The following MYO1F variants were observed in gnomAD, a reference collection of about 807,000 sequenced individuals.
MYO1F encodes myosin IF.
A neutral mutation model predicts 146.6 loss-of-function variants in MYO1F; 60 were observed. The ratio of observed to expected loss-of-function variants is 0.41; its 90% CI spans 0.33 to 0.51. The LOEUF (loss-of-function observed/expected upper bound fraction) is 0.51. Among genes scored for constraint, MYO1F ranks in the 20% least tolerant of loss-of-function variants. The probability of loss-of-function intolerance (pLI) is 0.25; values close to 1 mark genes in which losing one functional copy is unlikely to be tolerated. For synonymous variants in MYO1F, 602 were observed against 602.1 expected, an observed-to-expected ratio of 1.00 and a Z score of 0.00; for missense variants, 1,274 against 1,534.3, an observed-to-expected ratio of 0.83 and a Z score of 2.83.
chr19:8,561,350 TTCCCTCCCTCCC>T (rs754525032), intron 1 of MYO1F, among the ~76,000 whole-genome samples: 14 of 118,996 alleles, frequency 1.2e-4, no homozygotes, highest in Admixed American at 3.5e-4. Context: ...TCAGCATGAA[TTCCCTCCCTCCC>T]TCCCTCCCTC....
chr19:8,524,582 CAAAAAAAAAA>C (rs35275313), intron 25 of MYO1F, among the ~76,000 whole-genome samples: 9 of 132,072 alleles, frequency 6.8e-5, no homozygotes, highest in Admixed American at 2.3e-4. Flanking sequence ...GAGACTGTCT[CAAAAAAAAAA>C]AAAAAAAGAA....
chr19:8,560,828 T>C (rs1974063495), intron 1 of MYO1F, among the ~76,000 whole-genome samples: 1 of 150,896 alleles, frequency 6.6e-6, no homozygotes, highest in African/African-American at 2.4e-5. Context: ...AAGCTCTGTC[T>C]CCTGTGTTCA....
rs1972704827 is a variant in MYO1F at position 8,536,235 on chromosome 19, C to T, written c.2043+17G>A. The stretch of plus-strand genomic sequence containing the variant: ...TCTTCCCCTCTCCTTCTCTGCCTGT[C>T]CCTCAAACACACTCACCGACTCTGG... On this transcript the variant is annotated intron_variant, in intron 19 of 27. Coordinates refer to ENST00000644032, the MANE Select transcript of MYO1F (RefSeq NM_012335.4). 1 of 1,602,426 alleles carries T rather than the reference C, an allele frequency of 6.2e-7. No homozygotes were observed. The highest frequency in any genetic ancestry group is 8.5e-7 in the Non-Finnish European group (1 of 1,179,936).
chr19:8,555,423 A>T, intron 2 of MYO1F: 4 of 425,698 alleles, frequency 9.4e-6, no homozygotes, highest in East Asian at 4.6e-5. Flanking sequence ...ACAGGGTTGG[A>T]TCCGGAATGG....
At chr19:8,575,136 G>C (rs1198885145) in intron 1 of MYO1F, among the ~76,000 whole-genome samples, 2 of 150,458 alleles carry the variant, frequency 1.3e-5, no homozygotes, top group Admixed American at 1.3e-4. Flanking sequence ...TAGTGCAATG[G>C]TGTGATCTTG....
intron 1 of MYO1F, among the ~76,000 whole-genome samples, chr19:8,560,686 T>C (rs954546234): frequency 1.3e-5 from 2 of 151,008 alleles, no homozygotes; most frequent in Non-Finnish European, 3.0e-5. Context: ...GTGATCCTCC[T>C]GGTCTCAGCC....
chr19:8,553,892 ACACTCTCTCTCTCTCT>A (rs1973724118), intron 4 of MYO1F, among the ~76,000 whole-genome samples: 1 of 105,162 alleles, frequency 9.5e-6, no homozygotes, highest in African/African-American at 3.5e-5. Context: ...ACACACACAC[ACACTCTCTCTCTCTCT>A]CTCTCTCTCT....
In MYO1F at chr19:8,574,531, CT is replaced by C. The variant is rs1555732796; in HGVS notation, c.3+2775del. On this transcript the variant is annotated intron_variant, in intron 1 of 27. Transcript: ENST00000644032. ...TTTTCCTTTATTTCTTCTTTTTTCCCTTTCTTTCTTTCTTTCTTTCTTTCTT... is the reference window on the plus strand; with the variant it reads ...TTTTCCTTTATTTCTTCTTTTTTCCCTTCTTTCTTTCTTTCTTTCTTTCTT... Among the ~76,000 whole-genome samples the C allele has an allele frequency of 5.5e-3, 107 of 19,302 alleles. 1 individual carries two copies. The highest frequency in any genetic ancestry group is 0.015 in the African/African-American group (103 of 7,034). The allele number at this position is 19,302 out of a possible 152,430, so 12.7% of individuals were successfully genotyped here.
intron 21 of MYO1F, among the ~76,000 whole-genome samples, chr19:8,528,593 C>T (rs536875277): frequency 5.9e-4 from 90 of 152,078 alleles, no homozygotes; most frequent in African/African-American, 2.1e-3. Flanking sequence ...AAAAAAGAAA[C>T]GAGGTCAGAT....
intron 1 of MYO1F, among the ~76,000 whole-genome samples, chr19:8,575,158 C>A (rs1449443496): frequency 2.7e-5 from 4 of 150,630 alleles, no homozygotes; most frequent in African/African-American, 4.9e-5. Context: ...CTCACTGCAA[C>A]CTCCGCCTCC....
At chr19:8,546,485 G>C (rs1028013259) in intron 12 of MYO1F, among the ~76,000 whole-genome samples, 1 of 151,578 alleles carries the variant, frequency 6.6e-6, no homozygotes, top group African/African-American at 2.4e-5. Context: ...TCAGCCTTCC[G>C]AGTAGCTGGG....
chr19:8,531,864 T>TGTAATC (rs1972500972), intron 19 of MYO1F, among the ~76,000 whole-genome samples: 1 of 149,706 alleles, frequency 6.7e-6, no homozygotes, highest in Non-Finnish European at 1.5e-5. Flanking sequence ...AAGCCTGTAA[T>TGTAATC]CCCAGCATTT....
chr19:8,525,425 G>A, intron 25 of MYO1F, 54 bp downstream of exon 25: 2 of 1,492,356 alleles, frequency 1.3e-6, no homozygotes, highest in East Asian at 2.3e-5. Flanking sequence ...GTCTGGCTTA[G>A]GCCATGGGAC....
chr19:8,532,785 G>T (rs1330574853), intron 19 of MYO1F, among the ~76,000 whole-genome samples: 2 of 151,876 alleles, frequency 1.3e-5, no homozygotes, highest in Admixed American at 1.3e-4. Flanking sequence ...CTATTCCGGA[G>T]GGTGAGGTGG....
At position 8,522,809 on chromosome 19, in the gene MYO1F, G is replaced by A. The variant is rs776630100; in HGVS notation, c.2875C>T (p.Pro959Ser). ...PPRGMDRNGV[P>S]PSARGGPLPL... is the part of the protein sequence containing the mutation. ...AGGGGGCCCCCTCTGGCAGAGGGGG[G>A]CACCCCATTGCGATCCATGCCTGTG... The change falls in exon 26 of 28, where the codon CCC (proline) becomes TCC (serine). Residue 959 changes from proline to serine, a missense_variant. By Grantham distance (74) the Pro-to-Ser change is moderately conservative. Transcript: ENST00000644032. The A allele has an allele frequency of 1.3e-6, 2 of 1,579,032 alleles. No individual in the cohort carries two copies. Among genetic ancestry groups the A allele is most frequent in the East Asian group, 4.6e-5 (2 of 43,020 alleles).
chr19:8,526,657 A>G, intron 23 of MYO1F, 56 bp from the exon 24 acceptor site: 14 of 1,556,092 alleles, frequency 9.0e-6, no homozygotes, highest in Middle Eastern at 1.9e-4. Context: ...GCCCCACCCA[A>G]CTCTCGCTGG....
chr19:8,562,191 C>T (rs572832100), intron 1 of MYO1F, among the ~76,000 whole-genome samples: 8 of 148,976 alleles, frequency 5.4e-5, no homozygotes, highest in South Asian at 2.1e-4. Context: ...TTAGTGGAGA[C>T]GAGGTTTCAC....
At chr19:8,543,687 G>GTGGTGC (rs1568348385) in intron 14 of MYO1F, among the ~76,000 whole-genome samples, 3 of 48,630 alleles carry the variant, frequency 6.2e-5, no homozygotes, top group Admixed American at 2.1e-4. Flanking sequence ...GGTGGTGGTG[G>GTGGTGC]TGGTGGTGGT....
At chr19:8,575,022 T>C (rs1555733455) in intron 1 of MYO1F, among the ~76,000 whole-genome samples, 2 of 151,370 alleles carry the variant, frequency 1.3e-5, no homozygotes, top group Non-Finnish European at 3.0e-5. Context: ...TCCAAAAGTG[T>C]TGAGATTACA....
Sources: gnomAD v4.1 joint callset for allele counts (sites outside exome capture counted in the v4.1 genomes callset) on GRCh38, gnomAD v4.1.1 for gene constraint, MANE v1.5 for transcripts, NCBI Gene and HGNC (gene_info 2026-07-23, HGNC 2026-07-21) for gene names.